Variants in RGL2 observed in about 807,000 individuals in gnomAD.
RGL2 encodes ral guanine nucleotide dissociation stimulator like 2.
A neutral mutation model predicts 84.6 loss-of-function variants in RGL2; 40 were observed. That is an observed-to-expected ratio of 0.47 (90% confidence interval 0.37 to 0.62). The LOEUF is 0.62. Among genes scored for constraint, RGL2 ranks in the 20% least tolerant of loss-of-function variants. The probability of loss-of-function intolerance (pLI) is 0.00; values close to 1 mark genes in which losing one functional copy is unlikely to be tolerated. For missense variants in RGL2, 865 were observed against 1,019.7 expected, an observed-to-expected ratio of 0.85 and a Z score of 2.07; for synonymous variants, 369 against 417.3, an observed-to-expected ratio of 0.88 and a Z score of 1.41.
At chr6:33,301,549 G>C, upstream of RGL2, 1 of 586,080 alleles carries the variant, frequency 1.7e-6, no homozygotes. Flanking sequence ...ACTGCAGCCT[G>C]GGCGGAAGAG....
At chr6:33,301,548 T>C (rs1194981878), upstream of RGL2, 1 of 568,182 alleles carries the variant, frequency 1.8e-6, no homozygotes, top group Non-Finnish European at 3.0e-6. Context: ...CACTGCAGCC[T>C]GGGCGGAAGA....
chr6:33,294,624 G>T lies in RGL2; in HGVS notation c.1353+64C>A, dbSNP rs964379270. 1.3e-6 allele frequency: 2 copies of T among 1,574,024 alleles called. No individual in the cohort carries two copies. The highest frequency in any genetic ancestry group is 8.7e-7 in the Non-Finnish European group (1 of 1,147,810). ...TACAGCCCCTTGCAAGGGGCGGGGG[G>T]GTCTGTCCGACCCTGCAGCCCACTT... On this transcript the variant is annotated intron_variant, in intron 11 of 17. Transcript: ENST00000497454. This position sits in a 1 kb window ranked among gnomAD's most constrained non-coding sequence, Gnocchi z 5.0.
Position 33,295,965 on chromosome 6 carries a change from C to T in RGL2, c.768+63G>A, listed in dbSNP as rs1028736710. 1.3e-6 allele frequency: 2 copies of T among 1,583,174 alleles called. No homozygotes were observed. The highest frequency in any genetic ancestry group is 3.4e-5 in the Admixed American group (2 of 58,932). ...GAAGGGGTGGAAGCAAGGAAAGGAT[C>T]TGGAGTCAAGGAGAGGTTAGTAAGG... On this transcript the variant is annotated intron_variant, in intron 6 of 17. Transcript: ENST00000497454. The surrounding 1 kb of genome is among the most constrained non-coding windows in gnomAD (Gnocchi z 7.2).
chr6:33,298,454 C>T lies in RGL2; in HGVS notation c.156+1G>A. ...CCTACCTCCCACCACCCGCGTCTCA[C>T]CTCTTCTTCTTCCTCCTCCTCTTCC... On this transcript the variant is annotated splice_donor_variant, in intron 2 of 17. Transcript: ENST00000497454. LOFTEE classifies it high-confidence loss of function. The surrounding 1 kb of genome is among the most constrained non-coding windows in gnomAD (Gnocchi z 4.8). The T allele has an allele frequency of 6.8e-7, 1 of 1,476,920 alleles. No individual in the cohort carries two copies. Among genetic ancestry groups the T allele is most frequent in the Non-Finnish European group, 9.2e-7 (1 of 1,085,990 alleles). 91.5% of individuals were successfully genotyped at this position (1,476,920 alleles called of 1,614,324 possible).
At position 33,294,118 on chromosome 6, in the gene RGL2, C is replaced by T. The variant is rs1767704241; in HGVS notation, c.1354-52G>A. On this transcript the variant is annotated intron_variant, in intron 11 of 17. Coordinates refer to ENST00000497454, the MANE Select transcript of RGL2 (RefSeq NM_004761.5). The surrounding 1 kb of genome is among the most constrained non-coding windows in gnomAD (Gnocchi z 5.0). Reference sequence around the variant, plus strand: ...AAGTTCCAACCCTACCTTCCGGCCACAGAGAGAGAATATCCCCTCTCTTAA... The same window carrying T: ...AAGTTCCAACCCTACCTTCCGGCCATAGAGAGAGAATATCCCCTCTCTTAA... 1 of 1,582,996 alleles carries T rather than the reference C, an allele frequency of 6.3e-7. No homozygotes were observed. Among genetic ancestry groups the T allele is most frequent in the Non-Finnish European group, 8.6e-7 (1 of 1,162,706 alleles).
At chr6:33,299,918 T>A (rs1211286556), upstream of RGL2, 1 of 153,148 alleles carries the variant, frequency 6.5e-6, no homozygotes, top group Non-Finnish European at 1.5e-5. The surrounding 1 kb of genome is among the most constrained non-coding windows in gnomAD (Gnocchi z 5.0). Context: ...GAGGAGCCCA[T>A]GATCCGCGGG....
rs1767748428 is a variant in RGL2 at position 33,294,575 on chromosome 6, T to C, written c.1353+113A>G. ...TGGCACAGAAACAGATCTGGCTCTG[T>C]CCCACACTCAGCTATTTGTGCCTTA... is the stretch of plus-strand genomic sequence containing the variant. On this transcript the variant is annotated intron_variant, in intron 11 of 17. Coordinates refer to ENST00000497454, the MANE Select transcript of RGL2 (RefSeq NM_004761.5). This position sits in a 1 kb window ranked among gnomAD's most constrained non-coding sequence, Gnocchi z 5.0. 1.8e-5 allele frequency: 21 copies of C among 1,139,968 alleles called. No homozygotes were observed. The highest frequency in any genetic ancestry group is 2.6e-5 in the Non-Finnish European group (20 of 782,174). 70.6% of individuals were successfully genotyped at this position (1,139,968 alleles called of 1,614,324 possible).
chr6:33,297,641 G>A lies in RGL2; in HGVS notation c.157-526C>T, dbSNP rs1221382125. 1.3e-5 allele frequency: 2 copies of A among 153,916 alleles called. No homozygotes were observed. The highest frequency in any genetic ancestry group is 4.8e-5 in the African/African-American group (2 of 41,556). 9.5% of individuals were successfully genotyped at this position (153,916 alleles called of 1,614,324 possible). On this transcript the variant is annotated intron_variant, in intron 2 of 17. Transcript: ENST00000497454. This position sits in a 1 kb window ranked among gnomAD's most constrained non-coding sequence, Gnocchi z 4.0. ...CGCCTCCACTATCTCAGCCCTAAGG[G>A]ACCCCCGAAGGTAGCAGCTCCAATC...
rs960606864 is a variant in RGL2, at chr6:33,293,296, C to A, written c.1727G>T (p.Trp576Leu). The A allele has an allele frequency of 6.5e-7, 1 of 1,549,574 alleles. No homozygotes were observed. Among genetic ancestry groups the A allele is most frequent in the African/African-American group, 1.4e-5 (1 of 72,868 alleles). ...LLTRLAQHMK[W>L]PSVSSLDSAL... ...AGAGTCTAGTGACGAGACAGATGGCCACTTCATGTGCTAGGAACAAACAAC... is the reference window on the plus strand; with the variant it reads ...AGAGTCTAGTGACGAGACAGATGGCAACTTCATGTGCTAGGAACAAACAAC... Residue 576 changes from tryptophan to leucine, a missense_variant, in exon 16 of 18, where the codon TGG becomes TTG. Physicochemically the swap from Trp to Leu is moderately conservative, Grantham distance 61. Around this residue, in one of 5 missense-constraint regions of RGL2, gnomAD observed 302 missense variants for 327.9 expected, o/e 0.92. Transcript: ENST00000497454. The surrounding 1 kb of genome is among the most constrained non-coding windows in gnomAD (Gnocchi z 7.0).
Position 33,296,338 on chromosome 6 carries a change from A to C in RGL2, c.471-13T>G, listed in dbSNP as rs144573011. ...AGAGATGGCTACCCTGGGAGAAGGG[A>C]ATCAGCCAAGGGTGAGAGGTAAAGC... On this transcript the variant is annotated splice_polypyrimidine_tract_variant and intron_variant, in intron 5 of 17. Transcript: ENST00000497454. This position sits in a 1 kb window ranked among gnomAD's most constrained non-coding sequence, Gnocchi z 5.0. The C allele has an allele frequency of 9.1e-3, 14,698 of 1,608,178 alleles. 116 individuals are homozygous for C. Among genetic ancestry groups the C allele is most frequent in the Middle Eastern group, 0.028 (170 of 6,026 alleles).
In RGL2 at chr6:33,296,029, G is replaced by A. The variant is rs199739894; in HGVS notation, c.767C>T (p.Ala256Val). 8.7e-6 allele frequency: 14 copies of A among 1,613,856 alleles called. No homozygotes were observed. The highest frequency in any genetic ancestry group is 2.7e-5 in the African/African-American group (2 of 74,896). ...AGGGGCCAGAGGTCAGGGTCTCACC[G>A]CATCTAGCAGGGTCAGCTGTTCGGC... ...HLAEQLTLLD[A>V]ELFLNLIPSQ... The change falls in exon 6 of 18, where the codon GCG becomes GTG. Residue 256 changes from alanine to valine, a missense_variant and splice_region_variant. Physicochemically the swap from Ala to Val is moderately conservative, Grantham distance 64 (BLOSUM62 0). Transcript: ENST00000497454. This position sits in a 1 kb window ranked among gnomAD's most constrained non-coding sequence, Gnocchi z 5.0.
chr6:33,296,574 C>T lies in RGL2; in HGVS notation c.419+24G>A, dbSNP rs751935881. 6 of 1,605,044 alleles carry T rather than the reference C, an allele frequency of 3.7e-6. No individual in the cohort carries two copies. The highest frequency in any genetic ancestry group is 3.4e-6 in the Non-Finnish European group (4 of 1,175,284). ...GGAAATCCGGGCAGATACTCCACTA[C>T]CCTGCGTCCCTTATGACTCTGACCT... On this transcript the variant is annotated intron_variant, in intron 4 of 17. Coordinates refer to ENST00000497454, the MANE Select transcript of RGL2 (RefSeq NM_004761.5). The surrounding 1 kb of genome is among the most constrained non-coding windows in gnomAD (Gnocchi z 5.0).
Position 33,292,259 on chromosome 6 carries a change from T to C in RGL2, c.2177A>G (p.His726Arg), listed in dbSNP as rs140223852. Residue 726 changes from histidine to arginine, a missense_variant, in exon 18 of 18, where the codon CAC becomes CGC. Coordinates refer to ENST00000497454, the MANE Select transcript of RGL2 (RefSeq NM_004761.5). ...TCGCCGCTGCCGCAGGAGGAAATCG[T>C]GTGAAGCTCCATCCATGGCGTAGAA... ...NVFYAMDGASHDFLLRQRRRS... is the reference protein window; with the variant it reads ...NVFYAMDGASRDFLLRQRRRS... The C allele has an allele frequency of 6.2e-7, 1 of 1,614,096 alleles. No homozygotes were observed. The highest frequency in any genetic ancestry group is 1.3e-5 in the African/African-American group (1 of 74,932).
In RGL2 at chr6:33,294,803, G is replaced by A. The variant is rs758733982; in HGVS notation, c.1279-41C>T. On this transcript the variant is annotated intron_variant, in intron 10 of 17. Coordinates refer to ENST00000497454, the MANE Select transcript of RGL2 (RefSeq NM_004761.5). This position sits in a 1 kb window ranked among gnomAD's most constrained non-coding sequence, Gnocchi z 5.0. ...AGGGTCAGAAGTGCCTGCCATTGAC[G>A]TGAGGGCCCTCCATCCCTCCGCACT... The A allele has an allele frequency of 1.0e-5, 16 of 1,597,948 alleles. No individual in the cohort carries two copies. The highest frequency in any genetic ancestry group is 4.0e-5 in the African/African-American group (3 of 74,734).
rs767055605 is a variant in RGL2, at chr6:33,296,799, C to T, written c.241-23G>A. On this transcript the variant is annotated intron_variant, in intron 3 of 17. Transcript: ENST00000497454. The surrounding 1 kb of genome is among the most constrained non-coding windows in gnomAD (Gnocchi z 5.0). The stretch of plus-strand genomic sequence containing the variant: ...GACCTGGAGAACACAGAGAGATGAT[C>T]GCTAACCCTTTCTCCCACTCTGCAC... 7.4e-6 allele frequency: 12 copies of T among 1,613,642 alleles called. No homozygotes were observed. In the African/African-American group the frequency reaches 9.3e-5, roughly 13 times the overall value.
Position 33,296,691 on chromosome 6 carries a change from G to A in RGL2, c.326C>T (p.Thr109Ile). Reference protein sequence around the residue: ...ALVRHLLDTRTSGTDVSFMSA... With the variant: ...ALVRHLLDTRISGTDVSFMSA... ...CATGAAGCTCACATCAGTCCCTGAT[G>A]TCCGGGTATCCAGTAGGTGTCTGAC... Residue 109 changes from threonine to isoleucine, a missense_variant, in exon 4 of 18, where the codon ACA (threonine) becomes ATA (isoleucine). Around this residue, in one of 5 missense-constraint regions of RGL2, gnomAD observed 455 missense variants for 507.8 expected, o/e 0.90. Coordinates refer to ENST00000497454, the MANE Select transcript of RGL2 (RefSeq NM_004761.5). The surrounding 1 kb of genome is among the most constrained non-coding windows in gnomAD (Gnocchi z 5.0). The A allele has an allele frequency of 6.2e-7, 1 of 1,613,996 alleles. No homozygotes were observed. Among genetic ancestry groups the A allele is most frequent in the Admixed American group, 1.7e-5 (1 of 60,030 alleles).
At chr6:33,299,326 C>T (rs2282850), upstream of RGL2, 29,273 of 152,212 alleles carry the variant, frequency 0.19, 2,908 homozygotes, top group South Asian at 0.28. The surrounding 1 kb of genome is among the most constrained non-coding windows in gnomAD (Gnocchi z 5.0). Context: ...GAGAGCCGGT[C>T]ACTCCATCCC....
rs556976474 is a variant in RGL2, at chr6:33,294,772, G to A, written c.1279-10C>T. 98 of 1,613,756 alleles carry A rather than the reference G, an allele frequency of 6.1e-5. No homozygotes were observed. In the South Asian group the frequency reaches 9.0e-4, roughly 15 times the overall value. On this transcript the variant is annotated splice_polypyrimidine_tract_variant and intron_variant, in intron 10 of 17. Transcript: ENST00000497454. The surrounding 1 kb of genome is among the most constrained non-coding windows in gnomAD (Gnocchi z 5.0). ...GGTATGGGACCACACCCTGAAGTCA[G>A]GGGTCAGGGTCAGAAGTGCCTGCCA...
In RGL2 at chr6:33,297,196, T is replaced by A; in HGVS notation, c.157-81A>T. Reference sequence around the variant, plus strand: ...CAGCCTTCACCCCAGGCCCTGCTCCTCCCTCTGTACCCCTCACCTGTGGTG... The same window carrying A: ...CAGCCTTCACCCCAGGCCCTGCTCCACCCTCTGTACCCCTCACCTGTGGTG... On this transcript the variant is annotated intron_variant, in intron 2 of 17. Coordinates refer to ENST00000497454, the MANE Select transcript of RGL2 (RefSeq NM_004761.5). This position sits in a 1 kb window ranked among gnomAD's most constrained non-coding sequence, Gnocchi z 4.0. 1.8e-6 allele frequency: 2 copies of A among 1,094,452 alleles called. No homozygotes were observed. The highest frequency in any genetic ancestry group is 3.1e-5 in the South Asian group (2 of 65,410). 67.8% of individuals were successfully genotyped at this position (1,094,452 alleles called of 1,614,324 possible). A position where few individuals can be genotyped will look rare whatever the true frequency, so the allele number is the denominator to read the frequency against.
Sources: gnomAD v4.1 joint callset for allele counts on GRCh38, gnomAD v4.1.1 for gene constraint, gnomAD v4.1.1 regional missense constraint, Gnocchi (gnomAD v3.1) non-coding constraint, MANE v1.5 for transcripts, NCBI Gene and HGNC (gene_info 2026-07-23, HGNC 2026-07-21) for gene names.